Variants in FUT9 observed in about 807,000 individuals in gnomAD.
FUT9 encodes fucosyltransferase 9.
A neutral mutation model predicts 29.7 loss-of-function variants in FUT9; 15 were observed. That is an observed-to-expected ratio of 0.51 (90% CI 0.34 to 0.78). The LOEUF is 0.78. Among genes scored for constraint, FUT9 ranks in the 30% least tolerant of loss-of-function variants. FUT9 has a pLI of 0.01. For synonymous variants in FUT9, 169 were observed against 153.7 expected (o/e 1.10, Z -0.74); for missense variants, 319 against 425.4 (o/e 0.75, Z 2.20).
intron 1 of FUT9, among the ~76,000 whole-genome samples, chr6:96,049,161 A>G (rs538492544): frequency 4.0e-4 from 61 of 152,176 alleles, no homozygotes; most frequent in Non-Finnish European, 8.4e-4. Flanking sequence ...TAAGTCAGAA[A>G]GTAATGGATA....
intron 1 of FUT9, among the ~76,000 whole-genome samples, chr6:96,113,116 A>G (rs1344475968): frequency 6.6e-6 from 1 of 152,194 alleles, no homozygotes. Context: ...GTAAATGGGA[A>G]ACTTTAAATA....
At chr6:96,071,904 G>A (rs1196634298) in intron 1 of FUT9, among the ~76,000 whole-genome samples, 1 of 151,928 alleles carries the variant, frequency 6.6e-6, no homozygotes, top group Non-Finnish European at 1.5e-5. Flanking sequence ...CAAAGTACTT[G>A]GATTATAGGC....
At chr6:96,045,365 A>G (rs1770544497) in intron 1 of FUT9, among the ~76,000 whole-genome samples, 1 of 152,224 alleles carries the variant, frequency 6.6e-6, no homozygotes, top group Non-Finnish European at 1.5e-5. Flanking sequence ...GTGCCAGACA[A>G]AATTTGGCCA....
rs1773972761 is a variant in FUT9, at chr6:96,213,170, G to A, written c.*8935G>A. The A allele has an allele frequency of 6.0e-6, 1 of 166,856 alleles. No individual in the cohort carries two copies. The highest frequency in any genetic ancestry group is 2.1e-4 in the South Asian group (1 of 4,828). 10.3% of individuals were successfully genotyped at this position (166,856 alleles called of 1,614,324 possible). ...GTGGGGAAGAAGTTAATGTGTAATT[G>A]CTTCAGGAGCTCTGAATAAAAGGTT... On this transcript the variant is annotated 3_prime_UTR_variant, in exon 3 of 3. Coordinates refer to ENST00000302103, the MANE Select transcript of FUT9 (RefSeq NM_006581.4).
At chr6:96,062,324 T>C (rs1168284454) in intron 1 of FUT9, among the ~76,000 whole-genome samples, 1 of 151,862 alleles carries the variant, frequency 6.6e-6, no homozygotes, top group African/African-American at 2.4e-5. Flanking sequence ...ATGAGTGAAC[T>C]AAATCTTTAC....
At chr6:96,053,019 A>G (rs1032441879) in intron 1 of FUT9, among the ~76,000 whole-genome samples, 1 of 152,012 alleles carries the variant, frequency 6.6e-6, no homozygotes, top group Non-Finnish European at 1.5e-5. Context: ...AAGCCCAATC[A>G]TCACTGAAAA....
chr6:96,085,727 C>T (rs1361013527), intron 1 of FUT9, among the ~76,000 whole-genome samples: 1 of 152,120 alleles, frequency 6.6e-6, no homozygotes, highest in East Asian at 1.9e-4. Flanking sequence ...CAAATGCAAA[C>T]ACTCAATGCC....
At chr6:96,073,349 T>C (rs1025179330) in intron 1 of FUT9, among the ~76,000 whole-genome samples, 1 of 150,946 alleles carries the variant, frequency 6.6e-6, no homozygotes, top group Non-Finnish European at 1.5e-5. Flanking sequence ...CTCGGGAGGC[T>C]GAGGCAGAAT....
intron 2 of FUT9, among the ~76,000 whole-genome samples, chr6:96,141,109 T>C (rs1456694341): frequency 2.0e-5 from 3 of 152,184 alleles, no homozygotes; most frequent in African/African-American, 7.2e-5. Context: ...TGAAATTATC[T>C]CAAAGGCATT....
At chr6:96,036,109 A>C (rs1270405193) in intron 1 of FUT9, among the ~76,000 whole-genome samples, 1 of 144,866 alleles carries the variant, frequency 6.9e-6, no homozygotes, top group Admixed American at 7.2e-5. Flanking sequence ...ATTTAATAAT[A>C]ATATTATGAA....
chr6:96,094,681 G>T (rs1166329916), intron 1 of FUT9, among the ~76,000 whole-genome samples: 2 of 152,064 alleles, frequency 1.3e-5, no homozygotes, highest in Non-Finnish European at 2.9e-5. Context: ...TTTTAATAAA[G>T]AAATAGCTTT....
intron 2 of FUT9, among the ~76,000 whole-genome samples, chr6:96,195,310 G>C (rs1244814329): frequency 6.7e-6 from 1 of 150,056 alleles, no homozygotes; most frequent in Admixed American, 6.7e-5. Flanking sequence ...GAAAAGTGTT[G>C]GTGATCAAAA....
intron 2 of FUT9, among the ~76,000 whole-genome samples, chr6:96,187,904 G>C (rs1354607623): frequency 6.6e-6 from 1 of 152,124 alleles, no homozygotes; most frequent in Non-Finnish European, 1.5e-5. Flanking sequence ...ATCTGAAAGA[G>C]AATGTGCCTA....
chr6:96,094,890 G>T (rs940249258), intron 1 of FUT9, among the ~76,000 whole-genome samples: 3 of 151,952 alleles, frequency 2.0e-5, no homozygotes, highest in Non-Finnish European at 2.9e-5. Context: ...GGTGGTGTTT[G>T]GTTACATGAA....
intron 2 of FUT9, among the ~76,000 whole-genome samples, chr6:96,119,319 G>A (rs553477353): frequency 3.1e-4 from 47 of 152,226 alleles, no homozygotes; most frequent in African/African-American, 1.1e-3. Flanking sequence ...ATACCATTGT[G>A]TTAAAATTTC....
At chr6:96,046,881 G>GA (rs1308047319) in intron 1 of FUT9, among the ~76,000 whole-genome samples, 2 of 152,108 alleles carry the variant, frequency 1.3e-5, no homozygotes, top group Non-Finnish European at 1.5e-5. Flanking sequence ...TGCTACATTT[G>GA]AAAAAATTAT....
chr6:96,141,211 C>T (rs1028044478), intron 2 of FUT9, among the ~76,000 whole-genome samples: 2 of 152,036 alleles, frequency 1.3e-5, no homozygotes, highest in African/African-American at 4.8e-5. Flanking sequence ...TGTTTTTATA[C>T]TTTTACAATA....
At chr6:96,117,853 T>TATATCATCAAAAAAAATCATTAA (rs1771940788) in intron 2 of FUT9, among the ~76,000 whole-genome samples, 1 of 152,204 alleles carries the variant, frequency 6.6e-6, no homozygotes, top group African/African-American at 2.4e-5. Context: ...AAAAAACTAT[T>TATATCATCAAAAAAAATCATTAA]ATTCACATTT....
At chr6:96,019,898 T>C (rs1293618290) in intron 1 of FUT9, among the ~76,000 whole-genome samples, 1 of 152,146 alleles carries the variant, frequency 6.6e-6, no homozygotes, top group East Asian at 1.9e-4. Context: ...GTTCTCCTGA[T>C]TCCATGCTGT....
Sources: allele counts gnomAD v4.1 joint callset (sites outside exome capture counted in the v4.1 genomes callset), GRCh38; gene constraint gnomAD v4.1.1; transcripts MANE v1.5; gene names NCBI Gene and HGNC (gene_info 2026-07-23, HGNC 2026-07-21).